MTR: variants seen among roughly 807,000 people sequenced by gnomAD.
The protein encoded by MTR is 5-methyltetrahydrofolate-homocysteine methyltransferase.
In MTR, 84 loss-of-function variants were observed where a neutral mutation model predicts 154.8. The ratio of observed to expected loss-of-function variants is 0.54; its 90% CI spans 0.45 to 0.65. The LOEUF is 0.65. Among genes scored for constraint, MTR ranks in the 30% least tolerant of loss-of-function variants. The pLI is 0.00. For synonymous variants in MTR, 554 were observed against 553.9 expected (o/e 1.00, Z 0.00); for missense variants, 1,275 against 1,570.2 (o/e 0.81, Z 3.18).
At chr1:236,810,374 T>C in intron 4 of MTR, 129 bp from the exon 5 acceptor site, 1 of 814,470 alleles carries the variant, frequency 1.2e-6, no homozygotes. Flanking sequence ...TTAGAGCTTT[T>C]TGGATTTCAG....
Position 236,885,199 on chromosome 1 carries a change from GA to G in MTR, c.2756del (p.Asp919AlafsTer14). Reference protein sequence around the residue: ...IMEEYEDIRQDHYESLKERRY... With the variant: ...IMEEYEDIRQXHYESLKERRY... ...GGAAGAATATGAAGATATTAGACAGGACCATTATGAGTCTCTCAAGGTAAGT... is the reference window on the plus strand; with the variant it reads ...GGAAGAATATGAAGATATTAGACAGGCCATTATGAGTCTCTCAAGGTAAGT... On this transcript the variant is annotated frameshift_variant, in exon 26 of 33. Transcript: ENST00000366577. LOFTEE classifies it high-confidence loss of function. The G allele has an allele frequency of 6.3e-7, 1 of 1,599,304 alleles. No homozygotes were observed. The highest frequency in any genetic ancestry group is 8.6e-7 in the Non-Finnish European group (1 of 1,166,674).
At chr1:236,861,973 G>GA (rs560493338) in intron 20 of MTR, among the ~76,000 whole-genome samples, 200 of 150,342 alleles carry the variant, frequency 1.3e-3, no homozygotes, top group African/African-American at 3.8e-3. Flanking sequence ...CTAGACAGAG[G>GA]AAAAAAAAAC....
intron 24 of MTR, 94 bp downstream of exon 24, chr1:236,874,940 C>T: frequency 4.2e-6 from 6 of 1,417,348 alleles, no homozygotes; most frequent in Non-Finnish European, 5.9e-6. Context: ...TGGATTTTCC[C>T]TTATGTTTAG....
chr1:236,894,706 A>G, intron 30 of MTR, 149 bp downstream of exon 30: 1 of 722,728 alleles, frequency 1.4e-6, no homozygotes, highest in Non-Finnish European at 2.2e-6. Flanking sequence ...TTAACATTAT[A>G]CGTATTTTAA....
At chr1:236,884,674 G>T (rs1336695318) in intron 25 of MTR, among the ~76,000 whole-genome samples, 1 of 152,136 alleles carries the variant, frequency 6.6e-6, no homozygotes, top group African/African-American at 2.4e-5. Context: ...TCACGTCCTG[G>T]GTTTTTATTG....
In MTR at chr1:236,861,216, T is replaced by C. The variant is rs2103301603; in HGVS notation, c.2135T>C (p.Leu712Pro). The change falls in exon 20 of 33, where the codon CTG becomes CCG. Residue 712 changes from leucine (L) to proline (P), a missense_variant. Transcript: ENST00000366577. The part of the protein sequence containing the change: ...PRPLNIIEGP[L>P]MNGMKIVGDL... ...CCTCTCAATATAATTGAAGGACCCC[T>C]GATGAATGGAATGAAAATTGTTGGT... 6.2e-7 allele frequency: 1 copy of C among 1,613,320 alleles called. No individual in the cohort carries two copies. Among genetic ancestry groups the C allele is most frequent in the Non-Finnish European group, 8.5e-7 (1 of 1,179,762 alleles).
chr1:236,819,608 C>T, intron 8 of MTR: 1 of 459,920 alleles, frequency 2.2e-6, no homozygotes, highest in Non-Finnish European at 4.1e-6. Context: ...TTCTGGATTC[C>T]CATGTAACTT....
chr1:236,812,668 C>A, intron 5 of MTR, 70 bp from the exon 6 acceptor site: 1 of 1,221,596 alleles, frequency 8.2e-7, no homozygotes. Flanking sequence ...CAGACCTACA[C>A]TCGAGATACC....
At chr1:236,812,932 A>G in intron 6 of MTR, 88 bp downstream of exon 6, 1 of 1,015,834 alleles carries the variant, frequency 9.8e-7, no homozygotes, top group Non-Finnish European at 1.6e-6. Context: ...ATTAGCCATT[A>G]TCAAAGTTAA....
At chr1:236,882,391 ATTTTT>A (rs34832362) in intron 25 of MTR, among the ~76,000 whole-genome samples, 1 of 134,428 alleles carries the variant, frequency 7.4e-6, no homozygotes, top group East Asian at 2.1e-4. Context: ...CCCCTTCACC[ATTTTT>A]TTTTTTTTTT....
Position 236,826,906 on chromosome 1 carries a change from A to C in MTR, c.995+10A>C, listed in dbSNP as rs1662320177. The C allele has an allele frequency of 1.9e-6, 3 of 1,609,900 alleles. No individual in the cohort carries two copies. In the East Asian group the frequency reaches 6.7e-5, roughly 36 times the overall value. ...CACCAGATCATATCAGGTAATAATCACCTATAGACAATATATCTAAAACCA... is the reference window on the plus strand; with the variant it reads ...CACCAGATCATATCAGGTAATAATCCCCTATAGACAATATATCTAAAACCA... On this transcript the variant is annotated intron_variant, in intron 11 of 32. Coordinates refer to ENST00000366577, the MANE Select transcript of MTR (RefSeq NM_000254.3).
chr1:236,886,881 A>G (rs1373885464), intron 27 of MTR, among the ~76,000 whole-genome samples: 1 of 152,200 alleles, frequency 6.6e-6, no homozygotes, highest in African/African-American at 2.4e-5. Context: ...TTGCATTCAC[A>G]CATCTTTAAA....
At chr1:236,800,558 C>T in intron 1 of MTR, 1 of 894,638 alleles carries the variant, frequency 1.1e-6, no homozygotes, top group South Asian at 5.1e-5. Flanking sequence ...GTATTTTCTT[C>T]TTTCACTCGA....
intron 13 of MTR, among the ~76,000 whole-genome samples, chr1:236,832,468 G>A (rs1430509566): frequency 1.3e-5 from 2 of 152,174 alleles, no homozygotes; most frequent in Non-Finnish European, 2.9e-5. Context: ...CGCATCAAAC[G>A]CTGACTGTTG....
rs1428415235 is a variant in MTR, at chr1:236,902,637, A to C, written c.*4993A>C. ...CCCAGAGCCTAGCTCAGTGCCTGCCATGAAATTGTTCACTCCATCAAGCCT... is the reference window on the plus strand; with the variant it reads ...CCCAGAGCCTAGCTCAGTGCCTGCCCTGAAATTGTTCACTCCATCAAGCCT... On this transcript the variant is annotated 3_prime_UTR_variant, in exon 33 of 33. Coordinates refer to ENST00000366577, the MANE Select transcript of MTR (RefSeq NM_000254.3). The C allele has an allele frequency of 6.6e-6, 1 of 152,152 alleles. No individual in the cohort carries two copies. Among genetic ancestry groups the C allele is most frequent in the East Asian group, 1.9e-4 (1 of 5,182 alleles). The allele number at this position is 152,152 out of a possible 1,614,324, so 9.4% of individuals were successfully genotyped here. A position where few individuals can be genotyped will look rare whatever the true frequency, so the allele number is the denominator to read the frequency against.
At chr1:236,809,840 A>G (rs927030841) in intron 4 of MTR, among the ~76,000 whole-genome samples, 5 of 152,194 alleles carry the variant, frequency 3.3e-5, no homozygotes, top group African/African-American at 9.7e-5. Flanking sequence ...AACTTGCTAC[A>G]CCATTTTTAG....
chr1:236,812,447 T>C (rs538036055), intron 5 of MTR, among the ~76,000 whole-genome samples: 1 of 152,318 alleles, frequency 6.6e-6, no homozygotes, highest in Admixed American at 6.5e-5. Context: ...AGATGTTGAA[T>C]GGGGGGTACA....
intron 2 of MTR, among the ~76,000 whole-genome samples, chr1:236,805,707 A>C (rs1003680753): frequency 2.6e-5 from 4 of 151,936 alleles, no homozygotes; most frequent in African/African-American, 9.7e-5. Context: ...TATGTTGCAC[A>C]GACTGGTCTT....
chr1:236,873,933 C>T, intron 23 of MTR, 93 bp downstream of exon 23: 1 of 1,205,624 alleles, frequency 8.3e-7, no homozygotes, highest in South Asian at 1.2e-5. Context: ...ATAGTGATGC[C>T]CCATGAGGGT....
Sources: gnomAD v4.1 joint callset for allele counts (sites outside exome capture counted in the v4.1 genomes callset) on GRCh38, gnomAD v4.1.1 for gene constraint, MANE v1.5 for transcripts, NCBI Gene and HGNC (gene_info 2026-07-23, HGNC 2026-07-21) for gene names.